Variants in PCDH9 observed in about 807,000 individuals in gnomAD.
PCDH9 encodes the protein protocadherin-9.
A neutral mutation model predicts 70.6 loss-of-function variants in PCDH9; 24 were observed. The observed-to-expected ratio is 0.34, with a 90% confidence interval of 0.25 to 0.48. The LOEUF (loss-of-function observed/expected upper bound fraction) is 0.48. Among genes scored for constraint, PCDH9 ranks in the 20% least tolerant of loss-of-function variants. The pLI is 0.99. For synonymous variants in PCDH9, 562 were observed against 558.5 expected, an observed-to-expected ratio of 1.01 and a Z score of -0.09; for missense variants, 1,281 against 1,503.6, an observed-to-expected ratio of 0.85 and a Z score of 2.45.
chr13:66,745,358 T>C (rs1322131083), intron 3 of PCDH9, among the ~76,000 whole-genome samples: 1 of 152,162 alleles, frequency 6.6e-6, no homozygotes, highest in Non-Finnish European at 1.5e-5. Flanking sequence ...TCATTGCTCA[T>C]AGGGCAGACG....
rs573892141 is a variant in PCDH9, at chr13:66,581,078, A to C, written c.3340+50132T>G. ...TTAAAGTCTTTACACCCATTTTTGAAAATGCTATGAGAGCTACTAAACTTT... is the reference window on the plus strand; with the variant it reads ...TTAAAGTCTTTACACCCATTTTTGACAATGCTATGAGAGCTACTAAACTTT... On this transcript the variant is annotated intron_variant, in intron 4 of 4. Coordinates refer to ENST00000377865, the MANE Select transcript of PCDH9 (RefSeq NM_203487.3). Among the ~76,000 whole-genome samples the C allele has an allele frequency of 2.6e-5, 4 of 152,296 alleles. No individual in the cohort carries two copies. The East Asian group carries it at 7.7e-4, about 29-fold the overall frequency.
intron 3 of PCDH9, among the ~76,000 whole-genome samples, chr13:66,799,901 G>C (rs1345355414): frequency 6.6e-6 from 1 of 152,076 alleles, no homozygotes; most frequent in African/African-American, 2.4e-5. Context: ...GAGTCTGACT[G>C]TATTCCACTA....
chr13:67,120,801 G>C (rs899966484), intron 2 of PCDH9, among the ~76,000 whole-genome samples: 5 of 151,862 alleles, frequency 3.3e-5, no homozygotes, highest in Admixed American at 2.0e-4. Context: ...TTTATGGACT[G>C]CTTTTAAATT....
intron 4 of PCDH9, among the ~76,000 whole-genome samples, chr13:66,498,967 G>A (rs1049155860): frequency 2.0e-5 from 3 of 151,392 alleles, no homozygotes; most frequent in Non-Finnish European, 4.4e-5. Context: ...CATGGCAATA[G>A]TTCACTTAAA....
At chr13:66,964,629 T>C (rs959668850) in intron 2 of PCDH9, among the ~76,000 whole-genome samples, 1 of 152,000 alleles carries the variant, frequency 6.6e-6, no homozygotes, top group African/African-American at 2.4e-5. Context: ...AAAAAAAATA[T>C]TCTTCAGGAT....
At chr13:66,430,950 G>A (rs1474704728) in intron 4 of PCDH9, among the ~76,000 whole-genome samples, 1 of 151,986 alleles carries the variant, frequency 6.6e-6, no homozygotes, top group African/African-American at 2.4e-5. Flanking sequence ...AAATAAATTT[G>A]CAAATCTACA....
chr13:67,100,703 C>T (rs1440758151), intron 2 of PCDH9, among the ~76,000 whole-genome samples: 1 of 152,132 alleles, frequency 6.6e-6, no homozygotes, highest in African/African-American at 2.4e-5. Flanking sequence ...TTCTTTTCTC[C>T]CTCTTTGGCT....
intron 4 of PCDH9, among the ~76,000 whole-genome samples, chr13:66,622,136 C>T (rs1183910412): frequency 1.3e-5 from 2 of 152,216 alleles, no homozygotes; most frequent in Non-Finnish European, 2.9e-5. Flanking sequence ...GCAGTGCTGG[C>T]CCACGGGCAC....
At chr13:67,056,548 T>C (rs1181189609) in intron 2 of PCDH9, among the ~76,000 whole-genome samples, 2 of 152,150 alleles carry the variant, frequency 1.3e-5, no homozygotes, top group Non-Finnish European at 2.9e-5. Context: ...TTGCATTTCA[T>C]GAGAGACAAC....
At chr13:66,452,062 A>C (rs561624341) in intron 4 of PCDH9, among the ~76,000 whole-genome samples, 1 of 152,292 alleles carries the variant, frequency 6.6e-6, no homozygotes, top group Non-Finnish European at 1.5e-5. Context: ...TGATAATCCT[A>C]TGAAGTATGT....
chr13:67,045,079 A>G (rs962560168), intron 2 of PCDH9, among the ~76,000 whole-genome samples: 1 of 152,116 alleles, frequency 6.6e-6, no homozygotes, highest in Non-Finnish European at 1.5e-5. Context: ...CAGAATATAG[A>G]GAATTAGGGG....
intron 4 of PCDH9, among the ~76,000 whole-genome samples, chr13:66,552,479 G>A (rs1961529562): frequency 6.6e-6 from 1 of 152,058 alleles, no homozygotes; most frequent in Non-Finnish European, 1.5e-5. Context: ...CTCAGGTTAT[G>A]TGAACATAAC....
chr13:66,385,504 T>A (rs1418205621), intron 4 of PCDH9, among the ~76,000 whole-genome samples: 3 of 152,142 alleles, frequency 2.0e-5, no homozygotes, highest in Non-Finnish European at 4.4e-5. Flanking sequence ...ACTCATAAAA[T>A]GCCCCCTTTT....
intron 2 of PCDH9, among the ~76,000 whole-genome samples, chr13:67,122,742 C>G (rs760293860): frequency 2.0e-5 from 3 of 149,896 alleles, no homozygotes; most frequent in Non-Finnish European, 4.4e-5. Flanking sequence ...CCACTGCACT[C>G]CAGCCTGGCG....
At chr13:66,409,737 C>T (rs748531501) in intron 4 of PCDH9, among the ~76,000 whole-genome samples, 8 of 152,152 alleles carry the variant, frequency 5.3e-5, no homozygotes, top group Non-Finnish European at 8.8e-5. Context: ...ATTTTTATTG[C>T]TGAATCATGA....
chr13:66,596,484 G>T (rs1266756963), intron 4 of PCDH9, among the ~76,000 whole-genome samples: 1 of 151,048 alleles, frequency 6.6e-6, no homozygotes, highest in Non-Finnish European at 1.5e-5. Flanking sequence ...ACCCATATAT[G>T]TGTAAATTTC....
intron 3 of PCDH9, among the ~76,000 whole-genome samples, chr13:66,797,369 A>C (rs190295610): frequency 6.6e-6 from 1 of 152,140 alleles, no homozygotes; most frequent in East Asian, 1.9e-4. Context: ...TAATCTAAAT[A>C]TATGTAGGAT....
At chr13:66,757,774 A>G (rs2079559280) in intron 3 of PCDH9, among the ~76,000 whole-genome samples, 1 of 152,102 alleles carries the variant, frequency 6.6e-6, no homozygotes, top group Non-Finnish European at 1.5e-5. Flanking sequence ...TCATCTTATT[A>G]TCAATTAAAC....
chr13:66,429,691 GC>G (rs1215636815), intron 4 of PCDH9, among the ~76,000 whole-genome samples: 1 of 151,612 alleles, frequency 6.6e-6, no homozygotes, highest in Non-Finnish European at 1.5e-5. Flanking sequence ...ACAGAACAAT[GC>G]CCTGCAGCTA....
Sources: gnomAD v4.1 joint callset for allele counts (sites outside exome capture counted in the v4.1 genomes callset) on GRCh38, gnomAD v4.1.1 for gene constraint, MANE v1.5 for transcripts, NCBI Gene and HGNC (gene_info 2026-07-23, HGNC 2026-07-21) for gene names.